The following VASH2 variants were observed in gnomAD, a reference collection of about 807,000 sequenced individuals.
VASH2 encodes the protein vasohibin 2, also known as tubulinyl-Tyr carboxypeptidase 2.
A neutral mutation model predicts 37.2 loss-of-function variants in VASH2; 28 were observed. The ratio of observed to expected loss-of-function variants is 0.75; its 90% CI spans 0.56 to 1.03. The LOEUF is 1.03. VASH2 is among the 50% of genes least tolerant of loss of function. VASH2 has a pLI of 0.00. For synonymous variants in VASH2, 188 were observed against 174.7 expected, an observed-to-expected ratio of 1.08 and a Z score of -0.60; for missense variants, 419 against 459.1, an observed-to-expected ratio of 0.91 and a Z score of 0.80.
In VASH2 at chr1:212,973,999, CCGGGGAAAAT is replaced by C. The variant is rs778487568; in HGVS notation, c.926_935del (p.Arg309ProfsTer32). On this transcript the variant is annotated frameshift_variant, in exon 7 of 8. Transcript: ENST00000517399. LOFTEE classifies it high-confidence loss of function. ...CCCACTCTCCGACCCAAGTGAGAAG[CCGGGGAAAAT>C]CCCTGTCCCCCAGAAGGAGACAGGC... The C allele has an allele frequency of 2.5e-6, 4 of 1,613,912 alleles. No homozygotes were observed. The Admixed American group carries it at 6.7e-5, about 27-fold the overall frequency.
At chr1:212,952,180 A>G (rs1488746995) in intron 2 of VASH2, among the ~76,000 whole-genome samples, 1 of 152,208 alleles carries the variant, frequency 6.6e-6, no homozygotes, top group African/African-American at 2.4e-5. Context: ...CACAGACCCC[A>G]GGGATCCCAC....
At chr1:212,964,429 A>G (rs751722904) in intron 3 of VASH2, among the ~76,000 whole-genome samples, 5 of 152,196 alleles carry the variant, frequency 3.3e-5, no homozygotes, top group South Asian at 2.1e-4. Context: ...CCCGATGTGC[A>G]CTTTTCCTAT....
intron 7 of VASH2, among the ~76,000 whole-genome samples, chr1:212,986,886 A>G (rs1228373715): frequency 1.3e-5 from 2 of 152,268 alleles, no homozygotes; most frequent in African/African-American, 4.8e-5. Flanking sequence ...CACATGGTCA[A>G]GCTAAGAAAT....
intron 5 of VASH2, chr1:212,969,154 T>A (rs1666931932): frequency 1.0e-6 from 1 of 985,154 alleles, no homozygotes; most frequent in Non-Finnish European, 1.2e-6. Context: ...GAAATTTGAC[T>A]CTTGCACACA....
At chr1:212,966,471 A>G (rs1038950070) in intron 5 of VASH2, 126 bp downstream of exon 5, 46 of 787,744 alleles carry the variant, frequency 5.8e-5, no homozygotes, top group East Asian at 1.9e-4. Context: ...GGAAAGTGTC[A>G]AACTCCTCTG....
chr1:212,956,407 C>G (rs1157008715), intron 2 of VASH2, among the ~76,000 whole-genome samples: 1 of 152,236 alleles, frequency 6.6e-6, no homozygotes, highest in African/African-American at 2.4e-5. Context: ...TGGTTTCGAT[C>G]TGTTTCCTCT....
intron 2 of VASH2, among the ~76,000 whole-genome samples, chr1:212,959,879 CA>C: frequency 6.6e-6 from 1 of 152,350 alleles, no homozygotes; most frequent in East Asian, 1.9e-4. Context: ...CACCTGTCCT[CA>C]GGCCCTTTCT....
At chr1:212,973,714 G>A (rs1346272182) in intron 6 of VASH2, 3 of 1,305,616 alleles carry the variant, frequency 2.3e-6, no homozygotes, top group South Asian at 3.1e-5. Flanking sequence ...ACACGGCACA[G>A]GGAGCACAAT....
chr1:212,971,669 C>T lies in VASH2; in HGVS notation c.498-911C>T, dbSNP rs1358155492. 6.6e-6 allele frequency among the ~76,000 whole-genome samples: 1 copy of T among 152,170 alleles called. No homozygotes were observed. The highest frequency in any genetic ancestry group is 1.5e-5 in the Non-Finnish European group (1 of 68,024). ...TGAAGAGAAAGCAAGTACAAAACTG[C>T]TTTCTTTCTAGAGAGTGGAGGCATC... On this transcript the variant is annotated intron_variant, in intron 5 of 7. Coordinates refer to ENST00000517399, the MANE Select transcript of VASH2 (RefSeq NM_001301056.2). The surrounding 1 kb of genome is among the most constrained non-coding windows in gnomAD (Gnocchi z 4.0).
intron 7 of VASH2, among the ~76,000 whole-genome samples, chr1:212,979,080 GA>G: frequency 6.6e-6 from 1 of 152,202 alleles, no homozygotes; most frequent in East Asian, 1.9e-4. Context: ...AGAGCTGTGA[GA>G]GGCCACAAGC....
At chr1:212,963,314 A>T (rs568997598) in intron 3 of VASH2, among the ~76,000 whole-genome samples, 2 of 152,190 alleles carry the variant, frequency 1.3e-5, no homozygotes, top group African/African-American at 2.4e-5. Context: ...GGCTGCGGGG[A>T]CCTGCTCCCA....
chr1:212,965,538 T>C (rs999207248), intron 3 of VASH2, among the ~76,000 whole-genome samples, 184 bp from the exon 4 acceptor site: 3 of 152,130 alleles, frequency 2.0e-5, no homozygotes, highest in Admixed American at 2.0e-4. Context: ...AAGTTAGAAA[T>C]TAGATTTCCA....
At chr1:212,957,615 C>T (rs1236584478) in intron 2 of VASH2, among the ~76,000 whole-genome samples, 1 of 145,870 alleles carries the variant, frequency 6.9e-6, no homozygotes, top group African/African-American at 2.7e-5. Flanking sequence ...ACACAGCTTA[C>T]ACTTTTTTTT....
At chr1:212,985,997 G>A (rs1228754224) in intron 7 of VASH2, among the ~76,000 whole-genome samples, 1 of 152,148 alleles carries the variant, frequency 6.6e-6, no homozygotes, top group Admixed American at 6.5e-5. Flanking sequence ...TACTAAAGAA[G>A]GGAAGAATGG....
At chr1:212,977,357 A>G (rs970567803) in intron 7 of VASH2, among the ~76,000 whole-genome samples, 3 of 152,196 alleles carry the variant, frequency 2.0e-5, no homozygotes, top group Non-Finnish European at 2.9e-5. Flanking sequence ...TGTAAACTCT[A>G]TAGAGTTCTC....
intron 2 of VASH2, 127 bp from the exon 3 acceptor site, chr1:212,961,039 G>T (rs1666658681): frequency 2.4e-6 from 2 of 843,470 alleles, no homozygotes; most frequent in South Asian, 3.1e-5. Flanking sequence ...ACACCAGGGT[G>T]ACCATGCTGC....
intron 3 of VASH2, among the ~76,000 whole-genome samples, chr1:212,963,626 G>C (rs1244644112): frequency 6.8e-6 from 1 of 147,084 alleles, no homozygotes; most frequent in East Asian, 1.9e-4. Flanking sequence ...TGCTGGATTG[G>C]GGGAGAAGCC....
chr1:212,965,868 T>C (rs1666825684), intron 4 of VASH2, 90 bp downstream of exon 4: 2 of 1,311,648 alleles, frequency 1.5e-6, no homozygotes, highest in African/African-American at 2.9e-5. Flanking sequence ...CCGTAGCCCA[T>C]GGCTCAGGTA....
At chr1:212,956,255 C>A (rs1395474891) in intron 2 of VASH2, among the ~76,000 whole-genome samples, 1 of 152,164 alleles carries the variant, frequency 6.6e-6, no homozygotes, top group Non-Finnish European at 1.5e-5. Flanking sequence ...CTCACAAGAG[C>A]CTTGCCTGTG....
Sources: allele counts gnomAD v4.1 joint callset (sites outside exome capture counted in the v4.1 genomes callset), GRCh38; gene constraint gnomAD v4.1.1; non-coding constraint Gnocchi (gnomAD v3.1); transcripts MANE v1.5; gene names NCBI Gene and HGNC (gene_info 2026-07-23, HGNC 2026-07-21).